ASIP: variants seen among roughly 807,000 people sequenced by gnomAD.
The protein encoded by ASIP is agouti signaling protein.
Under a neutral mutation model 10.3 loss-of-function variants are expected in ASIP, and 11 were observed. The observed-to-expected ratio is 1.07, with a 90% confidence interval of 0.68 to 1.78. The LOEUF (loss-of-function observed/expected upper bound fraction) is 1.78. Ranked by LOEUF, ASIP falls within the 40% of genes most tolerant of loss-of-function variation. The pLI is 0.00. For missense variants in ASIP, 180 were observed against 169.2 expected (o/e 1.06, Z -0.35); for synonymous variants, 70 against 70.8 (o/e 0.99, Z 0.06).
intron 1 of ASIP, among the ~76,000 whole-genome samples, chr20:34,233,055 G>A (rs1469625647): frequency 6.6e-6 from 1 of 150,882 alleles, no homozygotes; most frequent in Non-Finnish European, 1.5e-5. Flanking sequence ...TCCCAACCCA[G>A]TAGCTGTAAC....
At chr20:34,258,679 A>ATATATATATATATATATATATATATAC (rs1568768630) in intron 1 of ASIP, among the ~76,000 whole-genome samples, 3 of 69,608 alleles carry the variant, frequency 4.3e-5, no homozygotes, top group Non-Finnish European at 6.8e-5. Flanking sequence ...GATGCCATAT[A>ATATATATATATATATATATATATATAC]TATATATATA....
upstream of ASIP, among the ~76,000 whole-genome samples, chr20:34,237,458 G>T (rs1053350018): frequency 7.9e-5 from 12 of 152,008 alleles, no homozygotes; most frequent in African/African-American, 2.7e-4. Context: ...TTCCTTTTCA[G>T]ATTGTTCATT....
intron 1 of ASIP, among the ~76,000 whole-genome samples, chr20:34,248,564 A>G (rs1406063660): frequency 2.0e-5 from 3 of 152,172 alleles, no homozygotes. Context: ...GCACTTTGGG[A>G]GGCCGAGGAG....
chr20:34,222,266 G>A (rs933370877), intron 1 of ASIP, among the ~76,000 whole-genome samples: 3 of 152,028 alleles, frequency 2.0e-5, no homozygotes, highest in African/African-American at 7.2e-5. Flanking sequence ...AGGCTACAGG[G>A]AGGAAGGATA....
At chr20:34,242,049 G>T (rs911360487) in intron 1 of ASIP, among the ~76,000 whole-genome samples, 6 of 152,082 alleles carry the variant, frequency 3.9e-5, no homozygotes, top group African/African-American at 1.4e-4. Context: ...ATTAAAGGAA[G>T]CTCAGGTTAA....
intron 3 of ASIP, among the ~76,000 whole-genome samples, 187 bp downstream of exon 3, chr20:34,263,080 G>T (rs1362618408): frequency 6.6e-6 from 1 of 152,128 alleles, no homozygotes; most frequent in East Asian, 1.9e-4. Context: ...GAAGCCCAGG[G>T]AGCTGAAGTC....
At chr20:34,209,056 A>AGGACAGTTT (rs1328657855) in intron 1 of ASIP, among the ~76,000 whole-genome samples, 4 of 152,228 alleles carry the variant, frequency 2.6e-5, no homozygotes, top group African/African-American at 9.6e-5. Flanking sequence ...TCTGCAACCA[A>AGGACAGTTT]GGACAGTTTG....
rs1179933802 is a variant in ASIP, at chr20:34,200,969, TTTCCTTCC to T, written c.-11+6253_-11+6260del. ...TTGATTTTCTTTCTTTCTTTCTTTC[TTTCCTTCC>T]TTCCTTCCTTCCTTCCTTCCTTCCT... On this transcript the variant is annotated intron_variant, in intron 1 of 3. Transcript: ENST00000568305. 7.6e-3 allele frequency among the ~76,000 whole-genome samples: 555 copies of T among 72,956 alleles called. 3 individuals carry two copies. The highest frequency in any genetic ancestry group is 0.029 in the Middle Eastern group (4 of 136). 47.9% of individuals were successfully genotyped at this position (72,956 alleles called of 152,430 possible).
chr20:34,257,591 C>A (rs977337002), intron 1 of ASIP, among the ~76,000 whole-genome samples: 2 of 151,982 alleles, frequency 1.3e-5, no homozygotes, highest in Non-Finnish European at 2.9e-5. Context: ...ACAAATATTT[C>A]ATATTTCTAT....
At chr20:34,240,354 T>C (rs1478561257), upstream of ASIP, among the ~76,000 whole-genome samples, 1 of 152,154 alleles carries the variant, frequency 6.6e-6, no homozygotes, top group African/African-American at 2.4e-5. Context: ...TCCCTCCTGG[T>C]CCCTAGACTC....
At chr20:34,203,505 C>A (rs1448221953) in intron 1 of ASIP, among the ~76,000 whole-genome samples, 1 of 149,454 alleles carries the variant, frequency 6.7e-6, no homozygotes, top group Non-Finnish European at 1.5e-5. Context: ...TCAAGTGATT[C>A]TCATGCCTCA....
chr20:34,205,074 G>A (rs2034925698), intron 1 of ASIP, among the ~76,000 whole-genome samples: 1 of 152,220 alleles, frequency 6.6e-6, no homozygotes, highest in Admixed American at 6.5e-5. Flanking sequence ...GCCTGGAATT[G>A]GTGGGTTCTT....
Position 34,200,948 on chromosome 20 carries a change from T to TTTTC in ASIP, c.-11+6209_-11+6212dup, listed in dbSNP as rs1180213511. Among the ~76,000 whole-genome samples, 660 of 140,562 alleles carry TTTTC rather than the reference T, an allele frequency of 4.7e-3. 18 individuals carry two copies. The highest frequency in any genetic ancestry group is 8.5e-3 in the African/African-American group (300 of 35,180). The allele number at this position is 140,562 out of a possible 152,430, so 92.2% of individuals were successfully genotyped here. On this transcript the variant is annotated intron_variant, in intron 1 of 3. Coordinates refer to the ASIP transcript ENST00000568305. ...AGTGTTAGCTGTGTTTCAAACTTGA[T>TTTTC]TTTCTTTCTTTCTTTCTTTCTTTCC...
At chr20:34,242,379 C>T (rs1313460698) in intron 1 of ASIP, among the ~76,000 whole-genome samples, 1 of 152,042 alleles carries the variant, frequency 6.6e-6, no homozygotes, top group African/African-American at 2.4e-5. Flanking sequence ...ACAACAGGCA[C>T]ACACCACCAC....
chr20:34,217,674 G>C (rs556626924), intron 1 of ASIP, among the ~76,000 whole-genome samples: 1 of 152,082 alleles, frequency 6.6e-6, no homozygotes, highest in East Asian at 2.0e-4. Context: ...CCATTCTCCT[G>C]CCTCAGCCTC....
intron 1 of ASIP, among the ~76,000 whole-genome samples, chr20:34,221,296 T>A (rs1164484631): frequency 6.6e-6 from 1 of 151,702 alleles, no homozygotes; most frequent in African/African-American, 2.4e-5. Flanking sequence ...GAGAATGGCG[T>A]GAACCTGGGA....
At chr20:34,256,452 G>T (rs372076285) in intron 1 of ASIP, among the ~76,000 whole-genome samples, 3 of 152,116 alleles carry the variant, frequency 2.0e-5, no homozygotes, top group African/African-American at 7.2e-5. Flanking sequence ...GGCTGGACCC[G>T]ATAACACCCG....
At chr20:34,235,868 AGGAAG>A (rs2035187893) in intron 1 of ASIP, among the ~76,000 whole-genome samples, 1 of 26,612 alleles carries the variant, frequency 3.8e-5, no homozygotes, top group Non-Finnish European at 6.0e-5. Flanking sequence ...AAGGAAGGAA[AGGAAG>A]GAAGGAAGGA....
At chr20:34,188,235 G>A in the ASIP span, among the ~76,000 whole-genome samples, 1 of 152,240 alleles carries the variant, frequency 6.6e-6, no homozygotes, top group South Asian at 2.1e-4. Flanking sequence ...TAAAGGAGGT[G>A]AAGTTGGCCA....
Sources: allele counts gnomAD v4.1 joint callset (sites outside exome capture counted in the v4.1 genomes callset), GRCh38; gene constraint gnomAD v4.1.1; transcripts MANE v1.5; gene names NCBI Gene and HGNC (gene_info 2026-07-23, HGNC 2026-07-21).